ATP1A1: variants seen among roughly 807,000 people sequenced by gnomAD.
ATP1A1 encodes the protein ATPase Na+/K+ transporting subunit alpha 1.
In ATP1A1, 14 loss-of-function variants were observed where a neutral mutation model predicts 114.8. The ratio of observed to expected loss-of-function variants is 0.12; its 90% confidence interval spans 0.08 to 0.19. The LOEUF (loss-of-function observed/expected upper bound fraction) is 0.19, where lower values mean the gene tolerates loss of function less well. ATP1A1 is among the 10% of genes least tolerant of loss of function. ATP1A1 has a pLI of 1.00. For missense variants in ATP1A1, 524 were observed against 1,290.7 expected, an observed-to-expected ratio of 0.41 and a Z score of 9.10; for synonymous variants, 471 against 466.3, an observed-to-expected ratio of 1.01 and a Z score of -0.13.
rs192612718 is a variant in ATP1A1, at chr1:116,379,742, T to G, written c.13-4272T>G. ...TAATAATAGCCTTTGTGTAGTGCTT[T>G]GAGAATACTTTTACATACACAATTG... On this transcript the variant is annotated intron_variant, in intron 1 of 22. Transcript: ENST00000295598. Among the ~76,000 whole-genome samples the G allele has an allele frequency of 1.6e-4, 25 of 152,364 alleles. No homozygotes were observed. In the East Asian group the frequency reaches 4.6e-3, roughly 28 times the overall value.
chr1:116,389,371 T>G lies in ATP1A1; in HGVS notation c.755-68T>G. ...TTTTTTTAGTCATCCTATGTAATTGTGTAAAATCCGTGGCTTCCTTCAGGT... is the reference window on the plus strand; with the variant it reads ...TTTTTTTAGTCATCCTATGTAATTGGGTAAAATCCGTGGCTTCCTTCAGGT... On this transcript the variant is annotated intron_variant, in intron 7 of 22. Transcript: ENST00000295598. This position sits in a 1 kb window ranked among gnomAD's most constrained non-coding sequence, Gnocchi z 6.9. The G allele has an allele frequency of 6.3e-7, 1 of 1,581,498 alleles. No homozygotes were observed. Among genetic ancestry groups the G allele is most frequent in the Admixed American group, 1.7e-5 (1 of 57,854 alleles).
At chr1:116,391,003 A>C in intron 10 of ATP1A1, 112 bp downstream of exon 10, 3 of 893,306 alleles carry the variant, frequency 3.4e-6, no homozygotes, top group Non-Finnish European at 5.4e-6. Flanking sequence ...TCACTGTAGA[A>C]CACCTGGAGT....
At chr1:116,382,423 C>T (rs934756688) in intron 1 of ATP1A1, 6 of 152,074 alleles carry the variant, frequency 3.9e-5, no homozygotes, top group Non-Finnish European at 5.9e-5. Flanking sequence ...AGAGCTGTAC[C>T]GAAAGAGGCA....
chr1:116,392,765 A>T lies in ATP1A1; in HGVS notation c.1333-89A>T, dbSNP rs1652571462. On this transcript the variant is annotated intron_variant, in intron 10 of 22. Transcript: ENST00000295598. ...CCTCTGCTACCTCTGACAAGATTGG[A>T]ATGTGTCTTGAGTTATTTTTCCTGT... 2.0e-6 allele frequency: 3 copies of T among 1,476,284 alleles called. No individual in the cohort carries two copies. In the South Asian group the frequency reaches 3.9e-5, roughly 19 times the overall value. The allele number at this position is 1,476,284 out of a possible 1,614,324, so 91.4% of individuals were successfully genotyped here.
Position 116,404,318 on chromosome 1 carries a change from T to A in ATP1A1, c.3044-98T>A, listed in dbSNP as rs1259247194. 1.4e-6 allele frequency: 2 copies of A among 1,480,944 alleles called. No individual in the cohort carries two copies. Among genetic ancestry groups the A allele is most frequent in the Non-Finnish European group, 1.9e-6 (2 of 1,066,212 alleles). 91.7% of individuals were successfully genotyped at this position (1,480,944 alleles called of 1,614,324 possible). On this transcript the variant is annotated intron_variant, in intron 22 of 22. Transcript: ENST00000295598. The surrounding 1 kb of genome is among the most constrained non-coding windows in gnomAD (Gnocchi z 4.8). The stretch of plus-strand genomic sequence containing the variant: ...TGGATTTTAACACACCCGACCCCCA[T>A]CATCCTCCGGTTGGTTTTCATCCCT...
intron 18 of ATP1A1, 124 bp from the exon 19 acceptor site, chr1:116,400,737 T>C: frequency 8.1e-7 from 1 of 1,232,394 alleles, no homozygotes; most frequent in Non-Finnish European, 1.1e-6. Context: ...CCTGTGCTTT[T>C]ATCAACCAGG....
chr1:116,397,778 CTTT>C lies in ATP1A1; in HGVS notation c.1974-109_1974-107del, dbSNP rs1653055098. ...TTTTATGTGCTGGGGAAAATTCCTT[CTTT>C]GTTTTGTTTACAAAGTGATCTGCAT... On this transcript the variant is annotated intron_variant, in intron 14 of 22. Transcript: ENST00000295598. The surrounding 1 kb of genome is among the most constrained non-coding windows in gnomAD (Gnocchi z 4.2). The C allele has an allele frequency of 8.1e-6, 11 of 1,364,756 alleles. No individual in the cohort carries two copies. The South Asian group carries it at 9.9e-5, about 12-fold the overall frequency. The allele number at this position is 1,364,756 out of a possible 1,614,324, so 84.5% of individuals were successfully genotyped here.
rs1653130832 is a variant in ATP1A1 at position 116,398,583 on chromosome 1, G to A, written c.2125-38G>A. 6.3e-7 allele frequency: 1 copy of A among 1,598,774 alleles called. No individual in the cohort carries two copies. Among genetic ancestry groups the A allele is most frequent in the Non-Finnish European group, 8.5e-7 (1 of 1,170,104 alleles). On this transcript the variant is annotated intron_variant, in intron 15 of 22. Transcript: ENST00000295598. This position sits in a 1 kb window ranked among gnomAD's most constrained non-coding sequence, Gnocchi z 6.1. ...CGCACTATTTCCATCGCTAGGAAAA[G>A]TGATTGGTATTAACCCGTTTTCCCT...
rs1398962674 is a variant in ATP1A1 at position 116,388,188 on chromosome 1, T to A, written c.445T>A (p.Tyr149Asn). 1.2e-6 allele frequency: 2 copies of A among 1,614,190 alleles called. No homozygotes were observed. ...AATCATAACTGGTTGCTTCTCCTAC[T>A]ATCAAGAAGCTAAAAGTTCAAAGAT... is the stretch of plus-strand genomic sequence containing the variant. The part of the protein sequence containing the change: ...VVIITGCFSY[Y>N]QEAKSSKIME... Residue 149 changes from tyrosine to asparagine, a missense_variant, in exon 5 of 23, where the codon TAT becomes AAT. By Grantham distance (143) the Tyr-to-Asn change is moderately radical. Transcript: ENST00000295598. The surrounding 1 kb of genome is among the most constrained non-coding windows in gnomAD (Gnocchi z 5.6).
chr1:116,398,593 T>C lies in ATP1A1; in HGVS notation c.2125-28T>C. On this transcript the variant is annotated intron_variant, in intron 15 of 22. Transcript: ENST00000295598. This position sits in a 1 kb window ranked among gnomAD's most constrained non-coding sequence, Gnocchi z 6.1. The stretch of plus-strand genomic sequence containing the variant: ...CCATCGCTAGGAAAAGTGATTGGTA[T>C]TAACCCGTTTTCCCTTTTCTGGGGT... 6.2e-7 allele frequency: 1 copy of C among 1,608,992 alleles called. No individual in the cohort carries two copies. The highest frequency in any genetic ancestry group is 8.5e-7 in the Non-Finnish European group (1 of 1,176,994).
At position 116,393,415 on chromosome 1, in the gene ATP1A1, G is replaced by A. The variant is rs548753797; in HGVS notation, c.1468-116G>A. The A allele has an allele frequency of 2.1e-5, 24 of 1,164,536 alleles. No individual in the cohort carries two copies. The African/African-American group carries it at 3.2e-4, about 16-fold the overall frequency. The allele number at this position is 1,164,536 out of a possible 1,614,324, so 72.1% of individuals were successfully genotyped here. A position where few individuals can be genotyped will look rare whatever the true frequency, so the allele number is the denominator to read the frequency against. On this transcript the variant is annotated intron_variant, in intron 11 of 22. Transcript: ENST00000295598. The surrounding 1 kb of genome is among the most constrained non-coding windows in gnomAD (Gnocchi z 5.0). ...TGTAAGATACTTCAGAGTTCAGAAA[G>A]AAGGGATCTTGGGTCTTTTATAGCA...
chr1:116,401,571 T>G lies in ATP1A1; in HGVS notation c.2867T>G (p.Phe956Cys). 2 of 1,614,228 alleles carry G rather than the reference T, an allele frequency of 1.2e-6. No homozygotes were observed. The highest frequency in any genetic ancestry group is 1.7e-6 in the Non-Finnish European group (2 of 1,180,034). The change falls in exon 21 of 23, where the codon TTT becomes TGT. Residue 956 changes from phenylalanine (F) to cysteine (C), a missense_variant. Coordinates refer to ENST00000295598, the MANE Select transcript of ATP1A1 (RefSeq NM_000701.8). The surrounding 1 kb of genome is among the most constrained non-coding windows in gnomAD (Gnocchi z 4.7). The stretch of plus-strand genomic sequence containing the variant: ...GATTTTAGGAACAAGATCTTGATAT[T>G]TGGCCTCTTTGAAGAGACAGCCCTG... Reference protein sequence around the residue: ...QQGMKNKILIFGLFEETALAA... With the variant: ...QQGMKNKILICGLFEETALAA...
At chr1:116,377,877 T>A (rs151318457) in intron 1 of ATP1A1, among the ~76,000 whole-genome samples, 11 of 152,352 alleles carry the variant, frequency 7.2e-5, no homozygotes, top group Admixed American at 7.2e-4. Flanking sequence ...AAAGTACATG[T>A]CCAGTACATG....
chr1:116,400,106 C>T (rs2101064333), intron 18 of ATP1A1, among the ~76,000 whole-genome samples: 2 of 152,330 alleles, frequency 1.3e-5, no homozygotes, highest in African/African-American at 4.8e-5. Context: ...AATCCTCTGC[C>T]TAGGGTTCCT....
In ATP1A1 at chr1:116,399,392, T is replaced by C; in HGVS notation, c.2449-28T>C. On this transcript the variant is annotated intron_variant, in intron 17 of 22. Transcript: ENST00000295598. The surrounding 1 kb of genome is among the most constrained non-coding windows in gnomAD (Gnocchi z 5.0). Reference sequence around the variant, plus strand: ...TATTAGCTTCCTTATTTTTAGTAACTAAATTCCTTCTCCCCACCCCTTCCC... The same window carrying C: ...TATTAGCTTCCTTATTTTTAGTAACCAAATTCCTTCTCCCCACCCCTTCCC... The C allele has an allele frequency of 6.2e-7, 1 of 1,605,394 alleles. No homozygotes were observed. Among genetic ancestry groups the C allele is most frequent in the Middle Eastern group, 1.7e-4 (1 of 6,012 alleles).
Position 116,398,182 on chromosome 1 carries a change from G to C in ATP1A1, c.2124+144G>C. The C allele has an allele frequency of 1.7e-6, 2 of 1,179,106 alleles. No individual in the cohort carries two copies. Among genetic ancestry groups the C allele is most frequent in the Non-Finnish European group, 2.3e-6 (2 of 858,808 alleles). 73.0% of individuals were successfully genotyped at this position (1,179,106 alleles called of 1,614,324 possible). ...TAAATAGGCCAGTAGGAAGCTCATA[G>C]GCATAGAGAGGGTGACTTGTTAATG... On this transcript the variant is annotated intron_variant, in intron 15 of 22. Transcript: ENST00000295598. The surrounding 1 kb of genome is among the most constrained non-coding windows in gnomAD (Gnocchi z 6.1).
Position 116,397,749 on chromosome 1 carries a change from T to C in ATP1A1, c.1974-139T>C, listed in dbSNP as rs1418720754. The C allele has an allele frequency of 2.8e-6, 3 of 1,070,580 alleles. No individual in the cohort carries two copies. The highest frequency in any genetic ancestry group is 1.3e-6 in the Non-Finnish European group (1 of 752,260). 66.3% of individuals were successfully genotyped at this position (1,070,580 alleles called of 1,614,324 possible). A position where few individuals can be genotyped will look rare whatever the true frequency, so the allele number is the denominator to read the frequency against. ...AACCTGTAAAGTACTGAACACTTAA[T>C]AGCTTTTATGTGCTGGGGAAAATTC... On this transcript the variant is annotated intron_variant, in intron 14 of 22. Transcript: ENST00000295598. The surrounding 1 kb of genome is among the most constrained non-coding windows in gnomAD (Gnocchi z 4.2).
rs947269818 is a variant in ATP1A1, at chr1:116,385,306, G to A, written c.183+464G>A. 2.5e-5 allele frequency: 4 copies of A among 158,286 alleles called. No individual in the cohort carries two copies. The highest frequency in any genetic ancestry group is 9.6e-5 in the African/African-American group (4 of 41,452). The allele number at this position is 158,286 out of a possible 1,614,324, so 9.8% of individuals were successfully genotyped here. A position where few individuals can be genotyped will look rare whatever the true frequency, so the allele number is the denominator to read the frequency against. On this transcript the variant is annotated intron_variant, in intron 3 of 22. Transcript: ENST00000295598. This position sits in a 1 kb window ranked among gnomAD's most constrained non-coding sequence, Gnocchi z 4.3. ...GTTTAGTTATTCTATCATTTAGTTG[G>A]AAATTGTTTTGTACAAAAATTAAAG...
At chr1:116,382,934 G>A (rs1651840147) in intron 1 of ATP1A1, among the ~76,000 whole-genome samples, 1 of 152,184 alleles carries the variant, frequency 6.6e-6, no homozygotes, top group African/African-American at 2.4e-5. Context: ...GCCTTAAGTT[G>A]TAGTTGTGGG....
Sources: gnomAD v4.1 joint callset for allele counts (sites outside exome capture counted in the v4.1 genomes callset) on GRCh38, gnomAD v4.1.1 for gene constraint, Gnocchi (gnomAD v3.1) non-coding constraint, MANE v1.5 for transcripts, NCBI Gene and HGNC (gene_info 2026-07-23, HGNC 2026-07-21) for gene names.